HSPA4L: variants seen among roughly 807,000 people sequenced by gnomAD.
HSPA4L encodes the protein heat shock protein family A (Hsp70) member 4 like.
Under a neutral mutation model 100.3 loss-of-function variants are expected in HSPA4L, and 48 were observed. The ratio of observed to expected loss-of-function variants is 0.48; its 90% confidence interval spans 0.38 to 0.61. The LOEUF is 0.61. Among genes scored for constraint, HSPA4L ranks in the 20% least tolerant of loss-of-function variants. The pLI, the probability that HSPA4L is intolerant of heterozygous loss-of-function variation, is 0.00. For synonymous variants in HSPA4L, 319 were observed against 328.2 expected (o/e 0.97, Z 0.30); for missense variants, 886 against 988.6 (o/e 0.90, Z 1.39).
intron 1 of HSPA4L, among the ~76,000 whole-genome samples, chr4:127,787,476 G>A (rs939802326): frequency 6.6e-6 from 1 of 152,052 alleles, no homozygotes; most frequent in African/African-American, 2.4e-5. Context: ...CCTAAAGTTT[G>A]ATTTATGTTT....
rs1444513341 is a variant in HSPA4L at position 127,827,335 on chromosome 4, A to T, written c.2077A>T (p.Met693Leu). ...CGGCCAGCCTATTCAAATGAAGTAC[A>T]TGGAGCATGAAGAGAGACCAAAAGC... ...KYGQPIQMKY[M>L]EHEERPKALN... The change falls in exon 17 of 19, where the codon ATG (methionine) becomes TTG (leucine). Residue 693 changes from methionine (M) to leucine (L), a missense_variant. Transcript: ENST00000296464. 6.2e-7 allele frequency: 1 copy of T among 1,613,720 alleles called. No individual in the cohort carries two copies. The highest frequency in any genetic ancestry group is 1.3e-5 in the African/African-American group (1 of 75,054).
At chr4:127,822,397 ATTTG>A (rs773584467) in intron 14 of HSPA4L, among the ~76,000 whole-genome samples, 4 of 152,020 alleles carry the variant, frequency 2.6e-5, no homozygotes, top group African/African-American at 4.8e-5. Context: ...TACTTTTTTT[ATTTG>A]TTCATCTTTT....
intron 12 of HSPA4L, among the ~76,000 whole-genome samples, chr4:127,815,748 C>T (rs918298809): frequency 6.6e-6 from 1 of 152,044 alleles, no homozygotes; most frequent in South Asian, 2.1e-4. Flanking sequence ...CTATAACTTA[C>T]AGTCTAGTGG....
chr4:127,782,305 G>A (rs952974694), upstream of HSPA4L: 2 of 495,452 alleles, frequency 4.0e-6, no homozygotes, highest in Admixed American at 7.2e-5. Flanking sequence ...ACCGCCGGTT[G>A]GAGGCGGCCG....
chr4:127,830,259 T>A (rs1734045582), intron 17 of HSPA4L, among the ~76,000 whole-genome samples: 1 of 152,190 alleles, frequency 6.6e-6, no homozygotes, highest in Non-Finnish European at 1.5e-5. Flanking sequence ...TAATCAAGAA[T>A]TTAATATGCT....
chr4:127,799,751 T>C (rs1733124274), intron 4 of HSPA4L, among the ~76,000 whole-genome samples: 1 of 152,198 alleles, frequency 6.6e-6, no homozygotes, highest in South Asian at 2.1e-4. Flanking sequence ...GTTGGTGCAG[T>C]AGACCCATTG....
chr4:127,819,014 A>G (rs187899084), intron 13 of HSPA4L, among the ~76,000 whole-genome samples: 43 of 152,332 alleles, frequency 2.8e-4, no homozygotes, highest in Admixed American at 2.1e-3. Flanking sequence ...GTATGAATAC[A>G]TAAGTTAAAA....
rs1169146562 is a variant in HSPA4L, at chr4:127,832,730, A to T, written c.2376A>T (p.Lys792Asn). 1.2e-6 allele frequency: 2 copies of T among 1,613,186 alleles called. No homozygotes were observed. Among genetic ancestry groups the T allele is most frequent in the Admixed American group, 1.7e-5 (1 of 59,914 alleles). The change falls in exon 19 of 19, where the codon AAA becomes AAT. Residue 792 changes from lysine to asparagine, a missense_variant. Coordinates refer to ENST00000296464, the MANE Select transcript of HSPA4L (RefSeq NM_014278.4). Reference sequence around the variant, plus strand: ...CCATCATTTACAAGCCCAAACCAAAAGCAGAAGTTCCTGAAGACAAACCAA... The same window carrying T: ...CCATCATTTACAAGCCCAAACCAAATGCAGAAGTTCCTGAAGACAAACCAA... ...CNPIIYKPKP[K>N]AEVPEDKPKA... is the part of the protein sequence containing the mutation.
chr4:127,821,532 C>A (rs1347414609), intron 14 of HSPA4L, among the ~76,000 whole-genome samples: 1 of 152,046 alleles, frequency 6.6e-6, no homozygotes, highest in Non-Finnish European at 1.5e-5. Flanking sequence ...TCTATAAATA[C>A]TTTTTATTTT....
At chr4:127,782,307 A>G (rs980390281), upstream of HSPA4L, 1 of 495,598 alleles carries the variant, frequency 2.0e-6, no homozygotes, top group Non-Finnish European at 3.6e-6. Context: ...CGCCGGTTGG[A>G]GGCGGCCGAA....
At chr4:127,797,874 TAC>T (rs1175699459) in intron 3 of HSPA4L, among the ~76,000 whole-genome samples, 2 of 152,130 alleles carry the variant, frequency 1.3e-5, no homozygotes, top group East Asian at 3.9e-4. Flanking sequence ...GTCCTGGGAT[TAC>T]ATAGAATATT....
intron 12 of HSPA4L, chr4:127,813,353 C>G (rs149360224): frequency 0.03 from 17,731 of 598,230 alleles, 363 homozygotes; most frequent in Middle Eastern, 0.052. Context: ...AATTCAACCA[C>G]TAGACTTTAA....
intron 18 of HSPA4L, among the ~76,000 whole-genome samples, 160 bp from the exon 19 acceptor site, chr4:127,832,521 ATC>A (rs1734108290): frequency 6.6e-6 from 1 of 152,310 alleles, no homozygotes; most frequent in South Asian, 2.1e-4. Flanking sequence ...AACAAGGTAA[ATC>A]TCTCATGAGG....
chr4:127,828,321 T>G (rs889990634), intron 17 of HSPA4L, among the ~76,000 whole-genome samples: 1 of 152,124 alleles, frequency 6.6e-6, no homozygotes, highest in Admixed American at 6.5e-5. Flanking sequence ...GCACCAGAAA[T>G]ATTCAAGCAT....
intron 1 of HSPA4L, among the ~76,000 whole-genome samples, chr4:127,790,332 A>G (rs1732838557): frequency 6.6e-6 from 1 of 152,254 alleles, no homozygotes; most frequent in Non-Finnish European, 1.5e-5. Context: ...AAGATGAGTT[A>G]TAAGGTAGGC....
intron 3 of HSPA4L, among the ~76,000 whole-genome samples, chr4:127,797,607 T>TC (rs943028342): frequency 6.7e-6 from 1 of 150,348 alleles, no homozygotes. Flanking sequence ...AAAAAATTTT[T>TC]TTTTTTTTTT....
chr4:127,824,973 A>T (rs1007817681), intron 16 of HSPA4L, among the ~76,000 whole-genome samples: 6 of 150,658 alleles, frequency 4.0e-5, no homozygotes, highest in Non-Finnish European at 8.9e-5. Context: ...TGTCTCTACT[A>T]AAAAAAAATA....
intron 1 of HSPA4L, among the ~76,000 whole-genome samples, chr4:127,789,057 T>A (rs1230918410): frequency 6.6e-6 from 1 of 152,186 alleles, no homozygotes; most frequent in East Asian, 1.9e-4. Context: ...AGTACTGAGC[T>A]TTTAGGCAAC....
intron 1 of HSPA4L, among the ~76,000 whole-genome samples, chr4:127,788,065 T>C (rs1357282661): frequency 2.0e-5 from 3 of 152,006 alleles, no homozygotes; most frequent in Non-Finnish European, 4.4e-5. Context: ...ATAGGTAATA[T>C]GAGTTTTTCA....
Sources: gnomAD v4.1 joint callset for allele counts (sites outside exome capture counted in the v4.1 genomes callset) on GRCh38, gnomAD v4.1.1 for gene constraint, MANE v1.5 for transcripts, NCBI Gene and HGNC (gene_info 2026-07-23, HGNC 2026-07-21) for gene names.